NCAM2: variants seen among roughly 807,000 people sequenced by gnomAD.
NCAM2 encodes the protein neural cell adhesion molecule 2, also known as N-CAM-2.
A neutral mutation model predicts 98.1 loss-of-function variants in NCAM2; 30 were observed. That is an observed-to-expected ratio of 0.31 (90% confidence interval 0.23 to 0.41). The LOEUF (loss-of-function observed/expected upper bound fraction) is 0.41, where lower values mean the gene tolerates loss of function less well. NCAM2 is among the 10% of genes least tolerant of loss of function. NCAM2 has a pLI of 1.00. For missense variants in NCAM2, 867 were observed against 1,005.8 expected, an observed-to-expected ratio of 0.86 and a Z score of 1.87; for synonymous variants, 368 against 342.4, an observed-to-expected ratio of 1.07 and a Z score of -0.83.
intron 1 of NCAM2, among the ~76,000 whole-genome samples, chr21:21,179,089 T>C (rs893154336): frequency 2.0e-5 from 3 of 152,090 alleles, no homozygotes; most frequent in Non-Finnish European, 4.4e-5. Flanking sequence ...ATGCAAGAGT[T>C]TCACGAAATT....
chr21:21,123,108 T>G (rs1346328283), intron 1 of NCAM2, among the ~76,000 whole-genome samples: 1 of 152,092 alleles, frequency 6.6e-6, no homozygotes, highest in East Asian at 1.9e-4. Context: ...TTTGAAAATT[T>G]TGTGTCTGGG....
At chr21:21,170,772 A>T (rs1300666442) in intron 1 of NCAM2, among the ~76,000 whole-genome samples, 2 of 152,178 alleles carry the variant, frequency 1.3e-5, no homozygotes, top group Non-Finnish European at 2.9e-5. Flanking sequence ...CATGTTGTTG[A>T]TGTATCAATG....
chr21:21,046,153 C>A (rs915765538), intron 1 of NCAM2, among the ~76,000 whole-genome samples: 1 of 152,128 alleles, frequency 6.6e-6, no homozygotes, highest in Non-Finnish European at 1.5e-5. Context: ...ATAGCTGTTA[C>A]CCATGTTTTT....
At position 21,076,326 on chromosome 21, in the gene NCAM2, T is replaced by G. The variant is rs192133633; in HGVS notation, c.55+77708T>G. Reference sequence around the variant, plus strand: ...AAAATAAACTTAAACAAAAAGCATGTTCTTCAGTTTCTGTTGTGATCTCTT... The same window carrying G: ...AAAATAAACTTAAACAAAAAGCATGGTCTTCAGTTTCTGTTGTGATCTCTT... On this transcript the variant is annotated intron_variant, in intron 1 of 17. Transcript: ENST00000400546. Among the ~76,000 whole-genome samples the G allele has an allele frequency of 5.3e-5, 8 of 152,290 alleles. No individual in the cohort carries two copies. In the East Asian group the frequency reaches 1.5e-3, roughly 29 times the overall value.
intron 10 of NCAM2, among the ~76,000 whole-genome samples, chr21:21,411,332 C>T (rs1247260921): frequency 6.7e-6 from 1 of 148,896 alleles, no homozygotes; most frequent in Non-Finnish European, 1.5e-5. Flanking sequence ...TGTGGTATAG[C>T]TTTTTTTTCT....
intron 1 of NCAM2, among the ~76,000 whole-genome samples, chr21:21,165,754 C>G (rs1224912621): frequency 6.6e-6 from 1 of 152,156 alleles, no homozygotes; most frequent in Non-Finnish European, 1.5e-5. Context: ...AATCACAGAA[C>G]AAATCAGTAA....
At chr21:21,433,903 A>G (rs79971040) in intron 12 of NCAM2, among the ~76,000 whole-genome samples, 10,971 of 152,134 alleles carry the variant, frequency 0.072, 432 homozygotes, top group East Asian at 0.16. Flanking sequence ...GCACAAGCAC[A>G]CAGAAAATTA....
At position 21,418,454 on chromosome 21, in the gene NCAM2, GTTA is replaced by G. The variant is rs774952164; in HGVS notation, c.1384-14_1384-12del. On this transcript the variant is annotated splice_polypyrimidine_tract_variant and intron_variant, in intron 10 of 17. Transcript: ENST00000400546. ...GTGATGTTTTAGAATTGTAACATTT[GTTA>G]TTATAATTATTTCAGATTGCACCTA... is the stretch of plus-strand genomic sequence containing the variant. 2 of 1,550,650 alleles carry G rather than the reference GTTA, an allele frequency of 1.3e-6. No homozygotes were observed. The highest frequency in any genetic ancestry group is 2.2e-5 in the East Asian group (1 of 44,476).
At chr21:21,287,159 T>G (rs752663895) in intron 4 of NCAM2, among the ~76,000 whole-genome samples, 3 of 151,994 alleles carry the variant, frequency 2.0e-5, no homozygotes, top group Admixed American at 2.0e-4. Context: ...ATTTTCAATT[T>G]AGAATTTTTT....
At chr21:21,321,341 A>AT (rs970968092) in intron 5 of NCAM2, among the ~76,000 whole-genome samples, 24 of 152,124 alleles carry the variant, frequency 1.6e-4, no homozygotes, top group African/African-American at 5.5e-4. Flanking sequence ...GATTGCAAAC[A>AT]TTTTCTCCCA....
At chr21:21,453,555 T>A (rs780214219) in intron 12 of NCAM2, among the ~76,000 whole-genome samples, 23 of 152,036 alleles carry the variant, frequency 1.5e-4, no homozygotes, top group Non-Finnish European at 3.4e-4. Context: ...ATAGGAGAGG[T>A]CATTTTTAAG....
chr21:21,082,492 A>C (rs1279740337), intron 1 of NCAM2, among the ~76,000 whole-genome samples: 1 of 152,194 alleles, frequency 6.6e-6, no homozygotes, highest in Non-Finnish European at 1.5e-5. Flanking sequence ...AAAAGTAGCT[A>C]GGTCAATAAA....
intron 1 of NCAM2, among the ~76,000 whole-genome samples, chr21:21,021,328 CTATTT>C (rs1315611150): frequency 3.3e-5 from 5 of 152,150 alleles, no homozygotes; most frequent in Admixed American, 3.3e-4. Context: ...CTGCCATGCT[CTATTT>C]TAAAGTGTGC....
chr21:21,524,806 C>G (rs571772737), intron 16 of NCAM2, among the ~76,000 whole-genome samples: 8 of 152,184 alleles, frequency 5.3e-5, no homozygotes, highest in African/African-American at 1.9e-4. Flanking sequence ...AGGAATCATA[C>G]TATGTCTGCT....
chr21:21,406,248 A>C (rs2076736521), intron 9 of NCAM2, among the ~76,000 whole-genome samples: 1 of 152,192 alleles, frequency 6.6e-6, no homozygotes. Context: ...GTAGAGTGAG[A>C]GATGGCAGTG....
At chr21:21,378,303 A>G (rs1262477417) in intron 9 of NCAM2, among the ~76,000 whole-genome samples, 2 of 151,900 alleles carry the variant, frequency 1.3e-5, no homozygotes, top group East Asian at 1.9e-4. Context: ...TACATTCCCA[A>G]CAAGTGTTCC....
intron 4 of NCAM2, among the ~76,000 whole-genome samples, chr21:21,288,566 A>T (rs2073183266): frequency 6.6e-6 from 1 of 151,954 alleles, no homozygotes; most frequent in Non-Finnish European, 1.5e-5. Context: ...GTATTCAAGT[A>T]AATTATCAGG....
intron 9 of NCAM2, chr21:21,385,811 C>G: frequency 1.5e-5 from 3 of 204,958 alleles, no homozygotes; most frequent in Non-Finnish European, 2.6e-5. Context: ...ACTAGGTAAT[C>G]ATTACATAGT....
chr21:21,465,208 T>A (rs1485224920), intron 12 of NCAM2, among the ~76,000 whole-genome samples: 1 of 152,052 alleles, frequency 6.6e-6, no homozygotes, highest in Admixed American at 6.6e-5. Flanking sequence ...ATATTTTTTC[T>A]TTTAATTTTG....
Sources: gnomAD v4.1 joint callset for allele counts (sites outside exome capture counted in the v4.1 genomes callset) on GRCh38, gnomAD v4.1.1 for gene constraint, MANE v1.5 for transcripts, NCBI Gene and HGNC (gene_info 2026-07-23, HGNC 2026-07-21) for gene names.